Variants in TLR2 observed in about 807,000 individuals in gnomAD.
TLR2 encodes toll-like receptor 2.
Under a neutral mutation model 9.1 loss-of-function variants are expected in TLR2, and 7 were observed. The ratio of observed to expected loss-of-function variants is 0.77; its 90% CI spans 0.44 to 1.44. TLR2 has a LOEUF of 1.44. Ranked by LOEUF, TLR2 falls within the 40% of genes most tolerant of loss-of-function variation. The pLI is 0.01. For synonymous variants in TLR2, 317 were observed against 344.6 expected (o/e 0.92, Z 0.89); for missense variants, 812 against 904.6 (o/e 0.90, Z 1.31).
Position 153,704,806 on chromosome 4 carries a change from AG to A in TLR2, c.1900del (p.Ala634LeufsTer75). 6.2e-7 allele frequency: 1 copy of A among 1,613,892 alleles called. No homozygotes were observed. The highest frequency in any genetic ancestry group is 8.5e-7 in the Non-Finnish European group (1 of 1,179,962). ...TCCAGGCCAAAAGGAAGCCCAGGAA[AG>A]CTCCCAGCAGGAACATCTGCTATGA... ...WLQAKRKPRK[A>X]PSRNICYDAF... is the part of the protein sequence containing the mutation. On this transcript the variant is annotated frameshift_variant, in exon 3 of 3. Coordinates refer to ENST00000642700, the MANE Select transcript of TLR2 (RefSeq NM_001318789.2). LOFTEE classifies it high-confidence loss of function.
intron 2 of TLR2, among the ~76,000 whole-genome samples, chr4:153,691,909 A>G (rs1736147517): frequency 2.0e-5 from 3 of 152,182 alleles, no homozygotes. Context: ...TGAGAAATCG[A>G]GTTTTGCAAG....
downstream of TLR2, chr4:153,710,341 C>T (rs1737478054): frequency 6.5e-7 from 1 of 1,527,522 alleles, no homozygotes; most frequent in Non-Finnish European, 8.8e-7. Flanking sequence ...TTCAACCATG[C>T]AGTATGTTGC....
chr4:153,709,787 C>T (rs550002328), downstream of TLR2, among the ~76,000 whole-genome samples: 24 of 152,346 alleles, frequency 1.6e-4, no homozygotes, highest in South Asian at 5.0e-3. Flanking sequence ...TGGGTTTGAG[C>T]ACTTTTGGCA....
chr4:153,698,093 A>G (rs977389262), intron 2 of TLR2, among the ~76,000 whole-genome samples: 4 of 152,174 alleles, frequency 2.6e-5, no homozygotes, highest in African/African-American at 9.6e-5. Context: ...AAACAACCAA[A>G]CAAAAATCGT....
chr4:153,690,282 G>T (rs928017783), intron 2 of TLR2, among the ~76,000 whole-genome samples: 2 of 152,186 alleles, frequency 1.3e-5, no homozygotes, highest in African/African-American at 4.8e-5. Context: ...TGTAATCCCT[G>T]TTTCCCCTTT....
Position 153,703,655 on chromosome 4 carries a change from T to C in TLR2, c.748T>C (p.Leu250=), listed in dbSNP as rs1308660882. The part of the protein sequence containing the change: ...SELSTGETNS[L]IKKFTFRNVK... ...ACTATCCACTGGTGAAACAAATTCA[T>C]TGATTAAAAAGTTTACATTTAGAAA... The change falls in exon 3 of 3, where the codon TTG becomes CTG. Residue 250 remains leucine, a synonymous_variant. Transcript: ENST00000642700. 1 of 1,612,954 alleles carries C rather than the reference T, an allele frequency of 6.2e-7. No homozygotes were observed. The highest frequency in any genetic ancestry group is 8.5e-7 in the Non-Finnish European group (1 of 1,179,722).
At chr4:153,708,984 A>G (rs1310749798), downstream of TLR2, among the ~76,000 whole-genome samples, 1 of 152,092 alleles carries the variant, frequency 6.6e-6, no homozygotes, top group Non-Finnish European at 1.5e-5. Context: ...TCAGCTGTAA[A>G]ATGGCACCCC....
At position 153,704,011 on chromosome 4, in the gene TLR2, T is replaced by C. The variant is rs1737129510; in HGVS notation, c.1104T>C (p.Ser368=). 6.2e-7 allele frequency: 1 copy of C among 1,614,054 alleles called. No homozygotes were observed. Among genetic ancestry groups the C allele is most frequent in the Non-Finnish European group, 8.5e-7 (1 of 1,180,008 alleles). ...HLKSLEYLDL[S]ENLMVEEYLK... ...AATCATTAGAATACTTGGATCTCAG[T>C]GAAAATTTGATGGTTGAAGAATACT... Residue 368 remains serine (S), a synonymous_variant, in exon 3 of 3, where the codon AGT becomes AGC. Coordinates refer to ENST00000642700, the MANE Select transcript of TLR2 (RefSeq NM_001318789.2).
chr4:153,704,088 TA>T lies in TLR2; in HGVS notation c.1183del (p.Arg395GlyfsTer18). 6.2e-7 allele frequency: 1 copy of T among 1,614,142 alleles called. No homozygotes were observed. Among genetic ancestry groups the T allele is most frequent in the Non-Finnish European group, 8.5e-7 (1 of 1,180,012 alleles). ...TGGCCCTCTCTACAAACTTTAATTT[TA>T]AGGCAAAATCATTTGGCATCATTGG... The part of the protein sequence containing the change: ...DAWPSLQTLI[L>X]RQNHLASLEK... On this transcript the variant is annotated frameshift_variant, in exon 3 of 3. Coordinates refer to ENST00000642700, the MANE Select transcript of TLR2 (RefSeq NM_001318789.2). LOFTEE classifies it low-confidence loss of function (END_TRUNC).
downstream of TLR2, among the ~76,000 whole-genome samples, chr4:153,706,622 T>G (rs1002955875): frequency 2.0e-5 from 3 of 152,198 alleles, no homozygotes; most frequent in Non-Finnish European, 4.4e-5. Flanking sequence ...TTGATGCAAC[T>G]TTCTTTGGTA....
At position 153,690,575 on chromosome 4, in the gene TLR2, C is replaced by T. The variant is rs1736038470; in HGVS notation, c.-17+2528C>T. Among the ~76,000 whole-genome samples the T allele has an allele frequency of 8.5e-5, 13 of 152,214 alleles. 1 individual carries two copies. Among genetic ancestry groups the T allele is most frequent in the Admixed American group, 8.5e-4 (13 of 15,282 alleles). ...GTGTCCACACATACATGTACATAAG[C>T]TAGTCTCCCAAACGAGGGAACGTGT... On this transcript the variant is annotated intron_variant, in intron 2 of 2. Coordinates refer to ENST00000642700, the MANE Select transcript of TLR2 (RefSeq NM_001318789.2).
At chr4:153,690,202 A>T (rs979801007) in intron 2 of TLR2, among the ~76,000 whole-genome samples, 1 of 152,220 alleles carries the variant, frequency 6.6e-6, no homozygotes, top group Non-Finnish European at 1.5e-5. Flanking sequence ...TGCTGATAGC[A>T]TCTGGCCTTT....
At chr4:153,685,423 A>G (rs571515545) in intron 1 of TLR2, among the ~76,000 whole-genome samples, 1 of 152,304 alleles carries the variant, frequency 6.6e-6, no homozygotes, top group South Asian at 2.1e-4. Context: ...TGCTGAGATG[A>G]CTTTAATCTT....
At position 153,704,396 on chromosome 4, in the gene TLR2, C is replaced by G. The variant is rs909259865; in HGVS notation, c.1489C>G (p.Leu497Val). The change falls in exon 3 of 3, where the codon CTC becomes GTC. Residue 497 changes from leucine to valine, a missense_variant. Physicochemically the swap from Leu to Val is conservative, Grantham distance 32 (BLOSUM62 1). Transcript: ENST00000642700. ...NKLMTLPDAS[L>V]LPMLLVLKIS... ...GTTGATGACTCTACCAGATGCCTCCCTCTTACCCATGTTACTAGTATTGAA... is the reference window on the plus strand; with the variant it reads ...GTTGATGACTCTACCAGATGCCTCCGTCTTACCCATGTTACTAGTATTGAA... 1.9e-6 allele frequency: 3 copies of G among 1,614,072 alleles called. No individual in the cohort carries two copies. The highest frequency in any genetic ancestry group is 3.3e-5 in the Admixed American group (2 of 60,018).
chr4:153,695,756 C>T (rs146067992), intron 2 of TLR2, among the ~76,000 whole-genome samples: 116 of 152,254 alleles, frequency 7.6e-4, no homozygotes, highest in Non-Finnish European at 1.4e-3. Flanking sequence ...TTTGCCCAGA[C>T]CAATGTCATG....
At chr4:153,695,538 T>C (rs1261339477) in intron 2 of TLR2, among the ~76,000 whole-genome samples, 1 of 152,250 alleles carries the variant, frequency 6.6e-6, no homozygotes, top group African/African-American at 2.4e-5. Flanking sequence ...ATTTTTTTCC[T>C]ATTGAGTTAT....
intron 2 of TLR2, among the ~76,000 whole-genome samples, chr4:153,693,837 C>T (rs1284573629): frequency 3.3e-5 from 5 of 152,196 alleles, no homozygotes; most frequent in South Asian, 2.1e-4. Flanking sequence ...ACTCGGGTAT[C>T]CTCCAGCTTT....
chr4:153,697,489 A>C (rs1322031273), intron 2 of TLR2, among the ~76,000 whole-genome samples: 3 of 152,260 alleles, frequency 2.0e-5, no homozygotes, highest in Non-Finnish European at 2.9e-5. Flanking sequence ...TTGCCTTTGA[A>C]GTCTTTTACC....
At position 153,706,144 on chromosome 4, in the gene TLR2, T is replaced by C. The variant is rs1737320041; in HGVS notation, c.*882T>C. On this transcript the variant is annotated 3_prime_UTR_variant, in exon 3 of 3. Coordinates refer to ENST00000642700, the MANE Select transcript of TLR2 (RefSeq NM_001318789.2). ...TGGATCTGTCTTTCTGGCTATTAGATAGGTTTCTCCAGCCATAGTTACTTG... is the reference window on the plus strand; with the variant it reads ...TGGATCTGTCTTTCTGGCTATTAGACAGGTTTCTCCAGCCATAGTTACTTG... Among the ~76,000 whole-genome samples the C allele has an allele frequency of 6.6e-6, 1 of 152,242 alleles. No homozygotes were observed. The highest frequency in any genetic ancestry group is 2.4e-5 in the African/African-American group (1 of 41,448).
Sources: gnomAD v4.1 joint callset for allele counts (sites outside exome capture counted in the v4.1 genomes callset) on GRCh38, gnomAD v4.1.1 for gene constraint, MANE v1.5 for transcripts, NCBI Gene and HGNC (gene_info 2026-07-23, HGNC 2026-07-21) for gene names.